Variants in NOX3 observed in about 807,000 individuals in gnomAD.
The protein encoded by NOX3 is NADPH oxidase 3.
In NOX3, 74 loss-of-function variants were observed where a neutral mutation model predicts 76.7. The ratio of observed to expected loss-of-function variants is 0.96; its 90% CI spans 0.80 to 1.17. NOX3 has a LOEUF of 1.17. Ranked by LOEUF, NOX3 falls within the 50% of genes most tolerant of loss-of-function variation. The pLI is 0.00. For missense variants in NOX3, 695 were observed against 703.3 expected (o/e 0.99, Z 0.13); for synonymous variants, 263 against 261.1 (o/e 1.01, Z -0.07).
intron 7 of NOX3, among the ~76,000 whole-genome samples, chr6:155,431,428 A>ACACG (rs1400123064): frequency 6.6e-6 from 1 of 151,740 alleles, no homozygotes; most frequent in African/African-American, 2.4e-5. Context: ...ACACACACAC[A>ACACG]CACACACACA....
At chr6:155,417,283 A>G in intron 10 of NOX3, among the ~76,000 whole-genome samples, 1 of 152,218 alleles carries the variant, frequency 6.6e-6, no homozygotes, top group Non-Finnish European at 1.5e-5. Context: ...ATGCATGGAA[A>G]AGGAATGGAA....
chr6:155,417,147 AG>A, intron 10 of NOX3, among the ~76,000 whole-genome samples: 1 of 152,220 alleles, frequency 6.6e-6, no homozygotes, highest in South Asian at 2.1e-4. Flanking sequence ...ATAGATCATC[AG>A]GTATTGACAC....
At position 155,455,821 on chromosome 6, in the gene NOX3, T is replaced by C; in HGVS notation, c.-21A>G. On this transcript the variant is annotated 5_prime_UTR_variant, in exon 1 of 14. Transcript: ENST00000159060. Reference sequence around the variant, plus strand: ...ATCATGATACTTGTTGCTCTTCGGCTGTCAGGAAATTTCTTCTCCCTCACC... The same window carrying C: ...ATCATGATACTTGTTGCTCTTCGGCCGTCAGGAAATTTCTTCTCCCTCACC... The C allele has an allele frequency of 6.2e-7, 1 of 1,613,072 alleles. No individual in the cohort carries two copies. The highest frequency in any genetic ancestry group is 8.5e-7 in the Non-Finnish European group (1 of 1,179,064).
intron 10 of NOX3, among the ~76,000 whole-genome samples, chr6:155,417,586 G>T (rs1393647438): frequency 6.6e-6 from 1 of 152,118 alleles, no homozygotes; most frequent in Non-Finnish European, 1.5e-5. Flanking sequence ...AGCATGAATG[G>T]CCCCTCCTAA....
chr6:155,421,101 C>G (rs2114688449), intron 10 of NOX3, among the ~76,000 whole-genome samples: 1 of 152,252 alleles, frequency 6.6e-6, no homozygotes, highest in East Asian at 1.9e-4. Flanking sequence ...GAGCAGGAAT[C>G]CCACCGTCTT....
intron 9 of NOX3, among the ~76,000 whole-genome samples, chr6:155,424,991 A>C (rs1246261627): frequency 6.6e-6 from 1 of 152,242 alleles, no homozygotes; most frequent in Non-Finnish European, 1.5e-5. Flanking sequence ...ACAGGAGAAA[A>C]TATTTGGTCT....
At chr6:155,401,833 TA>T (rs1413425007) in intron 12 of NOX3, among the ~76,000 whole-genome samples, 1 of 150,810 alleles carries the variant, frequency 6.6e-6, no homozygotes, top group Non-Finnish European at 1.5e-5. Flanking sequence ...GTTTTTATGG[TA>T]ATTAATTACA....
intron 10 of NOX3, among the ~76,000 whole-genome samples, chr6:155,414,133 G>C (rs1240809508): frequency 6.6e-6 from 1 of 152,164 alleles, no homozygotes; most frequent in Non-Finnish European, 1.5e-5. Context: ...TGGTGTAAGA[G>C]GCTATGGAGG....
At chr6:155,413,403 C>G (rs537199019) in intron 10 of NOX3, among the ~76,000 whole-genome samples, 1 of 151,834 alleles carries the variant, frequency 6.6e-6, no homozygotes, top group East Asian at 1.9e-4. Context: ...TGTAGACTTT[C>G]CCTCCGAGAG....
intron 6 of NOX3, among the ~76,000 whole-genome samples, chr6:155,439,348 G>T (rs1474421408): frequency 6.6e-6 from 1 of 152,210 alleles, no homozygotes; most frequent in Non-Finnish European, 1.5e-5. Context: ...GGCTATGCTA[G>T]CTTCCTGAAG....
chr6:155,412,279 T>C (rs10223731), intron 10 of NOX3, among the ~76,000 whole-genome samples: 7,693 of 152,142 alleles, frequency 0.051, 614 homozygotes, highest in African/African-American at 0.16. Context: ...CAGTGATCAA[T>C]GTTCTCTTCT....
rs146260805 is a variant in NOX3 at position 155,423,932 on chromosome 6, G to A, written c.1146-1076C>T. Among the ~76,000 whole-genome samples the A allele has an allele frequency of 3.0e-4, 45 of 152,020 alleles. No homozygotes were observed. In the East Asian group the frequency reaches 8.3e-3, roughly 28 times the overall value. ...ATTTTTTTGTATTTTTCATAGAGAC[G>A]AGGTTTGACCATTTTGGCCAGGATG... On this transcript the variant is annotated intron_variant, in intron 9 of 13. Coordinates refer to ENST00000159060, the MANE Select transcript of NOX3 (RefSeq NM_015718.3).
chr6:155,418,900 G>GA (rs969926284), intron 10 of NOX3, among the ~76,000 whole-genome samples: 85 of 151,650 alleles, frequency 5.6e-4, no homozygotes, highest in South Asian at 8.3e-4. Context: ...ACACATGGAG[G>GA]AAAAAAAAAT....
At chr6:155,433,959 T>C (rs1438692727) in intron 7 of NOX3, among the ~76,000 whole-genome samples, 1 of 152,244 alleles carries the variant, frequency 6.6e-6, no homozygotes, top group Non-Finnish European at 1.5e-5. Context: ...AGTGAGTATT[T>C]TATGATAGAA....
chr6:155,399,684 C>T (rs1338468704), intron 12 of NOX3, among the ~76,000 whole-genome samples: 1 of 151,670 alleles, frequency 6.6e-6, no homozygotes, highest in Non-Finnish European at 1.5e-5. Flanking sequence ...AATCACAGGG[C>T]AGAGAATCCA....
chr6:155,448,183 A>G (rs11967314), intron 4 of NOX3, among the ~76,000 whole-genome samples: 5 of 152,170 alleles, frequency 3.3e-5, no homozygotes, highest in African/African-American at 7.2e-5. Flanking sequence ...AAACAAGGTT[A>G]TCTAAGCCCC....
intron 7 of NOX3, among the ~76,000 whole-genome samples, chr6:155,435,041 C>G (rs561081502): frequency 2.2e-4 from 34 of 152,260 alleles, no homozygotes; most frequent in African/African-American, 7.5e-4. Context: ...GATTCAGTGT[C>G]TATAAGACAT....
At chr6:155,441,293 A>G (rs1776982323) in intron 5 of NOX3, among the ~76,000 whole-genome samples, 1 of 95,048 alleles carries the variant, frequency 1.1e-5, no homozygotes, top group Admixed American at 1.0e-4. Context: ...TCGGACAGGG[A>G]CTTCTTCATT....
rs1582945994 is a variant in NOX3 at position 155,443,119 on chromosome 6, A to G, written c.486+154T>C. ...CAGCAACATTAATGAGAAAAAAATAACTTTTTAGAAAATGTGAAATTGAAA... is the reference window on the plus strand; with the variant it reads ...CAGCAACATTAATGAGAAAAAAATAGCTTTTTAGAAAATGTGAAATTGAAA... On this transcript the variant is annotated intron_variant, in intron 5 of 13. Coordinates refer to ENST00000159060, the MANE Select transcript of NOX3 (RefSeq NM_015718.3). Among the ~76,000 whole-genome samples, 5 of 152,340 alleles carry G rather than the reference A, an allele frequency of 3.3e-5. 1 individual carries two copies. In the South Asian group the frequency reaches 1.0e-3, roughly 32 times the overall value.
Sources: allele counts gnomAD v4.1 joint callset (sites outside exome capture counted in the v4.1 genomes callset), GRCh38; gene constraint gnomAD v4.1.1; transcripts MANE v1.5; gene names NCBI Gene and HGNC (gene_info 2026-07-23, HGNC 2026-07-21).